The following NME7 variants were observed in gnomAD, a reference collection of about 807,000 sequenced individuals.
The protein encoded by NME7 is nucleoside diphosphate kinase 7.
A neutral mutation model predicts 49.1 loss-of-function variants in NME7; 41 were observed. The ratio of observed to expected loss-of-function variants is 0.83; its 90% CI spans 0.65 to 1.08. The LOEUF (loss-of-function observed/expected upper bound fraction) is 1.08, where lower values mean the gene tolerates loss of function less well. NME7 is among the 50% of genes least tolerant of loss of function. The pLI is 0.00. For missense variants in NME7, 423 were observed against 463.4 expected (o/e 0.91, Z 0.80); for synonymous variants, 139 against 150.6 (o/e 0.92, Z 0.56).
chr1:169,177,464 A>T (rs969613085), intron 10 of NME7, among the ~76,000 whole-genome samples: 1 of 152,158 alleles, frequency 6.6e-6, no homozygotes, highest in Non-Finnish European at 1.5e-5. Context: ...CCTGCCGAAG[A>T]ATCTCTGATG....
intron 1 of NME7, among the ~76,000 whole-genome samples, chr1:169,367,002 T>C (rs1557842849): frequency 1.3e-5 from 2 of 152,070 alleles, no homozygotes; most frequent in South Asian, 2.1e-4. Context: ...CTCTCAAACA[T>C]AGGGGTGAAT....
intron 7 of NME7, among the ~76,000 whole-genome samples, chr1:169,245,088 C>A (rs1374398650): frequency 3.3e-5 from 5 of 152,198 alleles, no homozygotes; most frequent in African/African-American, 1.2e-4. Context: ...AAGATTATGC[C>A]ACTGTCCTCC....
chr1:169,153,261 G>C (rs1658961044), intron 11 of NME7, among the ~76,000 whole-genome samples: 1 of 152,036 alleles, frequency 6.6e-6, no homozygotes, highest in Admixed American at 6.6e-5. Context: ...GGTATATATT[G>C]CTTAGTAAAT....
chr1:169,173,421 C>T (rs1440967230), intron 10 of NME7, among the ~76,000 whole-genome samples: 1 of 151,898 alleles, frequency 6.6e-6, no homozygotes, highest in Non-Finnish European at 1.5e-5. Flanking sequence ...CCTCAGAAAA[C>T]ATGAAGTATT....
intron 7 of NME7, among the ~76,000 whole-genome samples, chr1:169,259,690 ACCTT>A (rs1649101516): frequency 7.5e-6 from 1 of 134,216 alleles, no homozygotes; most frequent in Non-Finnish European, 1.8e-5. Flanking sequence ...GCAAAGCCAA[ACCTT>A]GTTTCATTTA....
intron 10 of NME7, among the ~76,000 whole-genome samples, chr1:169,192,839 TA>T (rs1374233842): frequency 6.6e-6 from 1 of 152,184 alleles, no homozygotes; most frequent in Non-Finnish European, 1.5e-5. Context: ...TTTCATTTTT[TA>T]AACAAATATA....
intron 1 of NME7, among the ~76,000 whole-genome samples, chr1:169,348,144 T>C (rs1279422965): frequency 6.6e-6 from 1 of 152,168 alleles, no homozygotes; most frequent in African/African-American, 2.4e-5. Flanking sequence ...TGTACCTTTA[T>C]AAAAGTGGTA....
At chr1:169,253,063 A>G (rs1648709564) in intron 7 of NME7, among the ~76,000 whole-genome samples, 1 of 151,892 alleles carries the variant, frequency 6.6e-6, no homozygotes, top group Non-Finnish European at 1.5e-5. Flanking sequence ...TTGGTTCCAT[A>G]TGAACTTTAA....
chr1:169,292,350 T>G (rs768149319), intron 6 of NME7, among the ~76,000 whole-genome samples: 22 of 152,114 alleles, frequency 1.4e-4, no homozygotes, highest in Non-Finnish European at 1.5e-4. Context: ...AAGTAAAAAT[T>G]GCTCATCCAA....
chr1:169,143,329 C>G (rs1426776638), intron 11 of NME7, among the ~76,000 whole-genome samples: 1 of 144,914 alleles, frequency 6.9e-6, no homozygotes, highest in African/African-American at 2.5e-5. Flanking sequence ...TAAAACACAC[C>G]AACCAATTCC....
chr1:169,202,595 A>T (rs1252672219), intron 10 of NME7, among the ~76,000 whole-genome samples: 1 of 152,222 alleles, frequency 6.6e-6, no homozygotes, highest in Admixed American at 6.5e-5. Context: ...TAAGGCCTAT[A>T]AAATTGTTCT....
intron 4 of NME7, among the ~76,000 whole-genome samples, chr1:169,308,315 C>T (rs1222362121): frequency 1.3e-5 from 2 of 152,172 alleles, no homozygotes; most frequent in Non-Finnish European, 2.9e-5. Context: ...ATTGTCCCTG[C>T]TCTCACAGAA....
Position 169,132,726 on chromosome 1 carries a change from G to A in NME7, c.*59C>T, listed in dbSNP as rs116473357. ...CAATAAAAGAATGAACACATTCCTC[G>A]TGTGTGATTCACTCTTGTCTAAATG... On this transcript the variant is annotated 3_prime_UTR_variant, in exon 12 of 12. Transcript: ENST00000367811. The A allele has an allele frequency of 2.7e-4, 401 of 1,480,056 alleles. 1 individual carries two copies. The highest frequency in any genetic ancestry group is 1.0e-3 in the Admixed American group (58 of 58,290). 91.7% of individuals were successfully genotyped at this position (1,480,056 alleles called of 1,614,324 possible).
intron 10 of NME7, among the ~76,000 whole-genome samples, chr1:169,213,053 T>C (rs533154944): frequency 6.6e-6 from 1 of 152,260 alleles, no homozygotes; most frequent in African/African-American, 2.4e-5. Context: ...GAGTCCTAAG[T>C]ATAACAGTGC....
At chr1:169,345,643 T>A (rs1047140496) in intron 1 of NME7, among the ~76,000 whole-genome samples, 2 of 152,192 alleles carry the variant, frequency 1.3e-5, no homozygotes, top group African/African-American at 2.4e-5. Context: ...GTCAGCATAC[T>A]CTACAACTTG....
rs185851860 is a variant in NME7, at chr1:169,262,808, A to G, written c.754+24495T>C. Reference sequence around the variant, plus strand: ...AACATACTTCTAGATTGAGGCAGTGAGCCACTCAGATGTTTTGCAGAGGCA... The same window carrying G: ...AACATACTTCTAGATTGAGGCAGTGGGCCACTCAGATGTTTTGCAGAGGCA... On this transcript the variant is annotated intron_variant, in intron 7 of 11. Transcript: ENST00000367811. 2.3e-4 allele frequency among the ~76,000 whole-genome samples: 31 copies of G among 133,892 alleles called. 10 individuals carry two copies. The highest frequency in any genetic ancestry group is 2.5e-4 in the Non-Finnish European group (14 of 56,872). 87.8% of individuals were successfully genotyped at this position (133,892 alleles called of 152,430 possible).
intron 10 of NME7, among the ~76,000 whole-genome samples, chr1:169,214,625 T>C (rs555089985): frequency 6.6e-6 from 1 of 152,290 alleles, no homozygotes; most frequent in East Asian, 1.9e-4. Context: ...CAGGACCATG[T>C]CAAGAAACAA....
intron 10 of NME7, among the ~76,000 whole-genome samples, chr1:169,189,407 T>C (rs1469074366): frequency 6.6e-6 from 1 of 152,182 alleles, no homozygotes; most frequent in African/African-American, 2.4e-5. Flanking sequence ...TTTTGCTTTA[T>C]TCAATAAACT....
chr1:169,227,513 T>C (rs1004519443), intron 10 of NME7, among the ~76,000 whole-genome samples: 2 of 152,224 alleles, frequency 1.3e-5, no homozygotes, highest in African/African-American at 4.8e-5. Context: ...AAGTTATTTC[T>C]GTAAGAAATA....
Sources: gnomAD v4.1 joint callset for allele counts (sites outside exome capture counted in the v4.1 genomes callset) on GRCh38, gnomAD v4.1.1 for gene constraint, MANE v1.5 for transcripts, NCBI Gene and HGNC (gene_info 2026-07-23, HGNC 2026-07-21) for gene names.